SPACA7: variants seen among roughly 807,000 people sequenced by gnomAD.
SPACA7 encodes sperm acrosome associated 7.
SPACA7 carries 19 observed loss-of-function variants against 26.3 expected under a neutral mutation model. The observed-to-expected ratio is 0.72, with a 90% confidence interval of 0.50 to 1.06. The LOEUF (loss-of-function observed/expected upper bound fraction) is 1.06, where lower values mean the gene tolerates loss of function less well. SPACA7 is among the 50% of genes least tolerant of loss of function. The pLI is 0.00. For synonymous variants in SPACA7, 84 were observed against 84.5 expected (o/e 0.99, Z 0.04); for missense variants, 211 against 229.9 (o/e 0.92, Z 0.53).
At chr13:112,410,540 C>A (rs917879562) in intron 5 of SPACA7, among the ~76,000 whole-genome samples, 6 of 151,926 alleles carry the variant, frequency 3.9e-5, no homozygotes, top group Non-Finnish European at 5.9e-5. Context: ...AGTGATGACC[C>A]TTGCAGATAT....
intron 5 of SPACA7, among the ~76,000 whole-genome samples, chr13:112,407,023 G>A (rs981425011): frequency 6.6e-6 from 1 of 152,294 alleles, no homozygotes; most frequent in East Asian, 1.9e-4. Flanking sequence ...CTGTCTCTCA[G>A]ACCACAGTGC....
At chr13:112,400,445 G>T (rs1290582408) in intron 4 of SPACA7, among the ~76,000 whole-genome samples, 1 of 152,164 alleles carries the variant, frequency 6.6e-6, no homozygotes, top group Admixed American at 6.5e-5. Flanking sequence ...AGAAAGAGCT[G>T]CCCCTCCTCC....
chr13:112,389,669 T>C (rs1397386441), intron 1 of SPACA7, among the ~76,000 whole-genome samples: 1 of 152,228 alleles, frequency 6.6e-6, no homozygotes, highest in Non-Finnish European at 1.5e-5. Context: ...CACATATATG[T>C]AACATAGGTA....
At chr13:112,428,884 C>G (rs1594334013) in intron 5 of SPACA7, among the ~76,000 whole-genome samples, 1 of 152,090 alleles carries the variant, frequency 6.6e-6, no homozygotes, top group African/African-American at 2.4e-5. Context: ...ACTTGTTCAA[C>G]TCTTCTATAT....
intron 5 of SPACA7, among the ~76,000 whole-genome samples, chr13:112,421,189 T>C (rs998843122): frequency 4.0e-4 from 55 of 138,882 alleles, no homozygotes; most frequent in African/African-American, 1.3e-3. Context: ...TGAAATACAA[T>C]TGAATCTCCA....
chr13:112,380,641 G>GTCCGGT (rs1327696004), intron 1 of SPACA7, among the ~76,000 whole-genome samples: 2 of 151,394 alleles, frequency 1.3e-5, no homozygotes, highest in Non-Finnish European at 2.9e-5. Flanking sequence ...TACGCATTTT[G>GTCCGGT]TCCGGTTTTT....
At chr13:112,414,026 T>C (rs1023291021) in intron 5 of SPACA7, among the ~76,000 whole-genome samples, 9 of 152,106 alleles carry the variant, frequency 5.9e-5, no homozygotes, top group Admixed American at 3.3e-4. Context: ...AGGAGTTCCA[T>C]GCTCTTGAAC....
chr13:112,388,133 C>G (rs1292303516), intron 1 of SPACA7, among the ~76,000 whole-genome samples: 1 of 152,210 alleles, frequency 6.6e-6, no homozygotes. Flanking sequence ...TCCACATACA[C>G]AAACACACAT....
At chr13:112,387,562 C>T (rs143135129) in intron 1 of SPACA7, among the ~76,000 whole-genome samples, 1 of 152,300 alleles carries the variant, frequency 6.6e-6, no homozygotes, top group East Asian at 1.9e-4. Flanking sequence ...AAATAGTTTA[C>T]CATTTACTCA....
chr13:112,401,732 T>G (rs937888319), intron 5 of SPACA7, among the ~76,000 whole-genome samples: 5 of 152,252 alleles, frequency 3.3e-5, no homozygotes, highest in African/African-American at 1.2e-4. Context: ...ATCTGCTACA[T>G]TAGCTCTTGG....
intron 1 of SPACA7, among the ~76,000 whole-genome samples, chr13:112,391,321 C>T (rs533611881): frequency 6.4e-4 from 97 of 152,338 alleles, no homozygotes; most frequent in African/African-American, 2.2e-3. Context: ...TCCTTAATGA[C>T]TCAGTGGGCA....
intron 2 of SPACA7, among the ~76,000 whole-genome samples, chr13:112,397,147 A>G (rs1272300752): frequency 6.6e-6 from 1 of 152,222 alleles, no homozygotes; most frequent in Non-Finnish European, 1.5e-5. Flanking sequence ...TATTGGTGAC[A>G]TCTTCGTTTC....
At chr13:112,415,225 C>A (rs6577079) in intron 5 of SPACA7, among the ~76,000 whole-genome samples, 99,890 of 152,132 alleles carry the variant, frequency 0.66, 33,329 homozygotes, top group African/African-American at 0.78. Context: ...GGAGTGATAC[C>A]GGCACTCTCA....
intron 1 of SPACA7, among the ~76,000 whole-genome samples, chr13:112,383,039 A>AGAAAGAGAGAGAGAGAGAGAGG (rs1884193050): frequency 6.8e-6 from 1 of 147,388 alleles, no homozygotes. Flanking sequence ...AGAGAGAGAG[A>AGAAAGAGAGAGAGAGAGAGAGG]GAAAGACAGA....
intron 1 of SPACA7, among the ~76,000 whole-genome samples, chr13:112,383,319 A>G (rs1174259568): frequency 3.3e-5 from 5 of 152,164 alleles, no homozygotes; most frequent in African/African-American, 1.2e-4. Context: ...AAACCTTAAG[A>G]AGCACTAACA....
intron 5 of SPACA7, among the ~76,000 whole-genome samples, chr13:112,427,973 G>A (rs775236140): frequency 6.6e-6 from 1 of 152,106 alleles, no homozygotes; most frequent in Non-Finnish European, 1.5e-5. Context: ...TCTGCTCAGA[G>A]AACCAGGTTT....
chr13:112,382,954 A>G (rs1261782364), intron 1 of SPACA7, among the ~76,000 whole-genome samples: 1 of 151,440 alleles, frequency 6.6e-6, no homozygotes, highest in Admixed American at 6.6e-5. Flanking sequence ...GAGCTATTGC[A>G]CTCCAGCCTG....
At chr13:112,391,391 G>A (rs1021687539) in intron 1 of SPACA7, among the ~76,000 whole-genome samples, 2 of 152,170 alleles carry the variant, frequency 1.3e-5, no homozygotes, top group African/African-American at 4.8e-5. Flanking sequence ...TTGAGATGTT[G>A]GACCTTTAGG....
intron 1 of SPACA7, among the ~76,000 whole-genome samples, chr13:112,383,740 A>G (rs1055549050): frequency 6.6e-6 from 1 of 152,258 alleles, no homozygotes; most frequent in Non-Finnish European, 1.5e-5. Context: ...GCATGAGGCC[A>G]GATTTCCCAA....
Sources: allele counts gnomAD v4.1 joint callset (sites outside exome capture counted in the v4.1 genomes callset), GRCh38; gene constraint gnomAD v4.1.1; transcripts MANE v1.5; gene names NCBI Gene and HGNC (gene_info 2026-07-23, HGNC 2026-07-21).